Variants in ZC3H12C observed in about 807,000 individuals in gnomAD.
ZC3H12C encodes the protein probable ribonuclease ZC3H12C.
In ZC3H12C, 20 loss-of-function variants were observed where a neutral mutation model predicts 76.3. That is an observed-to-expected ratio of 0.26 (90% confidence interval 0.18 to 0.38). The LOEUF is 0.38. ZC3H12C is among the 10% of genes least tolerant of loss of function. ZC3H12C has a pLI of 1.00. For synonymous variants in ZC3H12C, 352 were observed against 399.6 expected (o/e 0.88, Z 1.42); for missense variants, 874 against 1,086.5 (o/e 0.80, Z 2.75).
intron 1 of ZC3H12C, among the ~76,000 whole-genome samples, chr11:110,110,855 AAAAG>A (rs1379996358): frequency 2.0e-5 from 3 of 152,226 alleles, no homozygotes; most frequent in African/African-American, 7.2e-5. Context: ...ATTCTGTACT[AAAAG>A]AAAGACTAGC....
intron 1 of ZC3H12C, among the ~76,000 whole-genome samples, chr11:110,135,223 C>T (rs1187747413): frequency 6.6e-6 from 1 of 152,104 alleles, no homozygotes; most frequent in Non-Finnish European, 1.5e-5. Flanking sequence ...GGCGTGGTGG[C>T]TCACACCTGT....
rs1335712228 is a variant in ZC3H12C at position 110,167,005 on chromosome 11, A to G, written c.*1268A>G. On this transcript the variant is annotated 3_prime_UTR_variant, in exon 6 of 6. Coordinates refer to ENST00000278590, the MANE Select transcript of ZC3H12C (RefSeq NM_033390.2). ...GTCTGTTCTAGTATTAGTAAGGGATATTTCTGGTTTCAAAGTCATGGGTTT... is the reference window on the plus strand; with the variant it reads ...GTCTGTTCTAGTATTAGTAAGGGATGTTTCTGGTTTCAAAGTCATGGGTTT... 6.6e-6 allele frequency: 1 copy of G among 152,196 alleles called. No homozygotes were observed. Among genetic ancestry groups the G allele is most frequent in the African/African-American group, 2.4e-5 (1 of 41,462 alleles). The allele number at this position is 152,196 out of a possible 1,614,324, so 9.4% of individuals were successfully genotyped here. A position where few individuals can be genotyped will look rare whatever the true frequency, so the allele number is the denominator to read the frequency against.
In ZC3H12C at chr11:110,165,874, A is replaced by G. The variant is rs1274691675; in HGVS notation, c.*137A>G. 3 of 843,710 alleles carry G rather than the reference A, an allele frequency of 3.6e-6. No homozygotes were observed. Among genetic ancestry groups the G allele is most frequent in the East Asian group, 2.7e-5 (1 of 37,474 alleles). 52.3% of individuals were successfully genotyped at this position (843,710 alleles called of 1,614,324 possible). A position where few individuals can be genotyped will look rare whatever the true frequency, so the allele number is the denominator to read the frequency against. On this transcript the variant is annotated 3_prime_UTR_variant, in exon 6 of 6. Transcript: ENST00000278590. ...ATCCATTTATGTGAAATACTGTATC[A>G]TGGAATCTGTATGTATAGCCCCACA...
chr11:110,146,186 C>T (rs1305734649), intron 2 of ZC3H12C, among the ~76,000 whole-genome samples: 3 of 152,140 alleles, frequency 2.0e-5, no homozygotes. Context: ...GACAGGGCTT[C>T]ACCGTGTTAG....
chr11:110,144,772 T>C (rs1273698966), intron 2 of ZC3H12C, among the ~76,000 whole-genome samples: 1 of 152,158 alleles, frequency 6.6e-6, no homozygotes, highest in African/African-American at 2.4e-5. Context: ...CCTTTGTTCT[T>C]TTCTTCACTG....
intron 3 of ZC3H12C, among the ~76,000 whole-genome samples, chr11:110,157,444 T>TC (rs1265811130): frequency 6.6e-6 from 1 of 150,610 alleles, no homozygotes; most frequent in African/African-American, 2.4e-5. Context: ...TTTTTTTTTT[T>TC]TTTTTTTTAA....
chr11:110,131,456 C>G (rs1459140019), intron 1 of ZC3H12C: 4 of 260,210 alleles, frequency 1.5e-5, no homozygotes, highest in Non-Finnish European at 2.9e-5. Context: ...TCTTAAGTTT[C>G]TTAAGATGTC....
chr11:110,137,373 T>C lies in ZC3H12C; in HGVS notation c.732T>C (p.Asn244=). The change falls in exon 2 of 6, where the codon AAT becomes AAC. Residue 244 remains asparagine (N), a synonymous_variant. Coordinates refer to ENST00000278590, the MANE Select transcript of ZC3H12C (RefSeq NM_033390.2). The part of the protein sequence containing the change: ...MQEIVTDDGE[N]LRPIVIDGSN... ...AGATTGTAACAGATGATGGTGAAAA[T>C]CTGAGACCAATAGTTATTGATGGCA... The C allele has an allele frequency of 1.2e-6, 2 of 1,612,964 alleles. No individual in the cohort carries two copies. Among genetic ancestry groups the C allele is most frequent in the Non-Finnish European group, 8.5e-7 (1 of 1,179,654 alleles).
At chr11:110,105,566 G>C (rs1565247814) in intron 1 of ZC3H12C, among the ~76,000 whole-genome samples, 1 of 152,034 alleles carries the variant, frequency 6.6e-6, no homozygotes, top group Non-Finnish European at 1.5e-5. Context: ...TATTACATAT[G>C]TGAAATATAG....
At chr11:110,163,431 T>C (rs1862517522) in intron 5 of ZC3H12C, 52 bp downstream of exon 5, 2 of 1,435,260 alleles carry the variant, frequency 1.4e-6, no homozygotes, top group South Asian at 2.7e-5. Flanking sequence ...CAATATATTA[T>C]TAAACTTTTG....
chr11:110,108,323 G>T (rs1416649235), intron 1 of ZC3H12C, among the ~76,000 whole-genome samples: 1 of 152,110 alleles, frequency 6.6e-6, no homozygotes, highest in Non-Finnish European at 1.5e-5. Flanking sequence ...CTTTGCAAGA[G>T]CACTGTTTGA....
intron 1 of ZC3H12C, among the ~76,000 whole-genome samples, chr11:110,102,738 A>G (rs1406020859): frequency 1.3e-5 from 2 of 152,212 alleles, no homozygotes; most frequent in Non-Finnish European, 2.9e-5. Flanking sequence ...AAATCAATAC[A>G]GCAAATTTCA....
rs149369799 is a variant in ZC3H12C, at chr11:110,127,085, G to C, written c.22-9578G>C. Among the ~76,000 whole-genome samples, 153 of 152,266 alleles carry C rather than the reference G, an allele frequency of 1.0e-3. 1 individual carries two copies. The highest frequency in any genetic ancestry group is 3.5e-3 in the African/African-American group (144 of 41,548). ...GGCGTCTGCCTCTTCTCTGAAAAGT[G>C]GCATGGTTTCATGGACAGAAAGGAA... On this transcript the variant is annotated intron_variant, in intron 1 of 5. Coordinates refer to ENST00000278590, the MANE Select transcript of ZC3H12C (RefSeq NM_033390.2).
chr11:110,098,228 T>C (rs1861148780), intron 1 of ZC3H12C, among the ~76,000 whole-genome samples: 1 of 152,150 alleles, frequency 6.6e-6, no homozygotes, highest in African/African-American at 2.4e-5. Flanking sequence ...GTGTCTTCAT[T>C]TTAAATGAAG....
At chr11:110,158,462 A>T (rs1862417125) in intron 3 of ZC3H12C, among the ~76,000 whole-genome samples, 1 of 152,012 alleles carries the variant, frequency 6.6e-6, no homozygotes, top group South Asian at 2.1e-4. Flanking sequence ...GTGAGCCAAG[A>T]TCACACCACT....
chr11:110,131,131 C>A (rs1035725069), intron 1 of ZC3H12C: 4 of 1,490,824 alleles, frequency 2.7e-6, no homozygotes, highest in Admixed American at 2.0e-5. Flanking sequence ...TACTTTAATG[C>A]CTTGGAAGTT....
At position 110,165,021 on chromosome 11, in the gene ZC3H12C, C is replaced by T. The variant is rs1862551410; in HGVS notation, c.1936C>T (p.Arg646Trp). 1.2e-5 allele frequency: 20 copies of T among 1,613,896 alleles called. No individual in the cohort carries two copies. The highest frequency in any genetic ancestry group is 1.5e-5 in the Non-Finnish European group (18 of 1,179,872). Residue 646 changes from arginine to tryptophan, a missense_variant, in exon 6 of 6, where the codon CGG (arginine) becomes TGG (tryptophan). This residue lies in a region of ZC3H12C where 395 missense variants were observed against 434.4 expected (regional missense o/e 0.91). Coordinates refer to ENST00000278590, the MANE Select transcript of ZC3H12C (RefSeq NM_033390.2). ...SSDSYVGYND[R>W]SYVSSPDPQL... Reference sequence around the variant, plus strand: ...TGACTCCTACGTGGGTTACAATGACCGGTCCTATGTCAGCTCCCCCGACCC... The same window carrying T: ...TGACTCCTACGTGGGTTACAATGACTGGTCCTATGTCAGCTCCCCCGACCC...
intron 1 of ZC3H12C, among the ~76,000 whole-genome samples, chr11:110,115,664 G>A (rs1256731110): frequency 4.0e-5 from 6 of 151,480 alleles, no homozygotes; most frequent in African/African-American, 1.5e-4. Flanking sequence ...TGAACTTCTG[G>A]CCCCAAGTGA....
Position 110,093,442 on chromosome 11 carries a change from C to T in ZC3H12C, c.21+10C>T. Reference sequence around the variant, plus strand: ...GGGTGGCGGCTCCCAGGTTTGTCCTCGGGAAGGGGGTGGGGGACGCGGACC... The same window carrying T: ...GGGTGGCGGCTCCCAGGTTTGTCCTTGGGAAGGGGGTGGGGGACGCGGACC... On this transcript the variant is annotated intron_variant, in intron 1 of 5. Transcript: ENST00000278590. 8.3e-7 allele frequency: 1 copy of T among 1,199,258 alleles called. No homozygotes were observed. The highest frequency in any genetic ancestry group is 1.0e-6 in the Non-Finnish European group (1 of 964,804). 74.3% of individuals were successfully genotyped at this position (1,199,258 alleles called of 1,614,324 possible). A position where few individuals can be genotyped will look rare whatever the true frequency, so the allele number is the denominator to read the frequency against.
Sources: gnomAD v4.1 joint callset for allele counts (sites outside exome capture counted in the v4.1 genomes callset) on GRCh38, gnomAD v4.1.1 for gene constraint, gnomAD v4.1.1 regional missense constraint, MANE v1.5 for transcripts, NCBI Gene and HGNC (gene_info 2026-07-23, HGNC 2026-07-21) for gene names.